Variants in PIGK observed in about 807,000 individuals in gnomAD.
PIGK encodes phosphatidylinositol glycan anchor biosynthesis class K.
PIGK carries 42 observed loss-of-function variants against 50.6 expected under a neutral mutation model. The observed-to-expected ratio is 0.83, with a 90% CI of 0.65 to 1.07. PIGK has a LOEUF of 1.07. PIGK is among the 50% of genes least tolerant of loss of function. PIGK has a pLI of 0.00. For missense variants in PIGK, 448 were observed against 488.7 expected (o/e 0.92, Z 0.78); for synonymous variants, 151 against 156.0 (o/e 0.97, Z 0.24).
chr1:77,158,171 C>T (rs558956621), intron 8 of PIGK, among the ~76,000 whole-genome samples: 4 of 152,050 alleles, frequency 2.6e-5, no homozygotes, highest in Admixed American at 2.6e-4. Flanking sequence ...CATGTGCCAC[C>T]ATGCCCAGCT....
rs1301386207 is a variant in PIGK at position 77,122,447 on chromosome 1, A to G, written c.987-88T>C. 5.6e-6 allele frequency: 4 copies of G among 719,992 alleles called. No homozygotes were observed. The East Asian group carries it at 1.1e-4, about 20-fold the overall frequency. The allele number at this position is 719,992 out of a possible 1,614,324, so 44.6% of individuals were successfully genotyped here. A position where few individuals can be genotyped will look rare whatever the true frequency, so the allele number is the denominator to read the frequency against. ...TTTAAATATGTCAAATATGAAATAT[A>G]GTAAAATGCATAGATTTTTTTTGAA... On this transcript the variant is annotated intron_variant, in intron 9 of 10. Coordinates refer to ENST00000370812, the MANE Select transcript of PIGK (RefSeq NM_005482.3).
At chr1:77,111,827 T>C (rs1206440400) in intron 10 of PIGK, among the ~76,000 whole-genome samples, 1 of 152,106 alleles carries the variant, frequency 6.6e-6, no homozygotes, top group Non-Finnish European at 1.5e-5. Flanking sequence ...CTAAGATATC[T>C]ATTGGCATAT....
chr1:77,166,588 G>A, intron 5 of PIGK, 131 bp downstream of exon 5: 1 of 557,630 alleles, frequency 1.8e-6, no homozygotes, highest in Non-Finnish European at 3.2e-6. Flanking sequence ...TCTACATTAT[G>A]GAAAATATAA....
intron 9 of PIGK, among the ~76,000 whole-genome samples, chr1:77,147,898 C>T (rs903420595): frequency 2.0e-5 from 3 of 152,142 alleles, no homozygotes; most frequent in African/African-American, 7.2e-5. Flanking sequence ...TCAGAAGACA[C>T]ATAAAAACAA....
At chr1:77,136,489 A>C (rs1654520287) in intron 9 of PIGK, among the ~76,000 whole-genome samples, 2 of 138,424 alleles carry the variant, frequency 1.4e-5, no homozygotes, top group Non-Finnish European at 3.0e-5. Context: ...AGATCCCGCC[A>C]CTGCACTCCA....
At chr1:77,171,309 C>T (rs1030074451) in intron 3 of PIGK, among the ~76,000 whole-genome samples, 1 of 151,148 alleles carries the variant, frequency 6.6e-6, no homozygotes, top group Non-Finnish European at 1.5e-5. Flanking sequence ...TGGTGGCAGG[C>T]GCCTGTAGTC....
Position 77,169,414 on chromosome 1 carries a change from G to A in PIGK, c.240-19C>T. 1 of 1,558,980 alleles carries A rather than the reference G, an allele frequency of 6.4e-7. No homozygotes were observed. Among genetic ancestry groups the A allele is most frequent in the Non-Finnish European group, 8.7e-7 (1 of 1,148,084 alleles). On this transcript the variant is annotated intron_variant, in intron 3 of 10. Transcript: ENST00000370812. ...AATGTGACTAGGGAAAAAAAATCCA[G>A]TAAATATATAATTTAGATAAAAGGA...
chr1:77,149,239 C>T (rs993940458), intron 9 of PIGK, among the ~76,000 whole-genome samples: 6 of 151,942 alleles, frequency 3.9e-5, no homozygotes, highest in Non-Finnish European at 7.4e-5. Flanking sequence ...AAGCCCTTAC[C>T]TACCAATAAT....
At chr1:77,111,320 T>C (rs375619095) in intron 10 of PIGK, among the ~76,000 whole-genome samples, 1 of 152,038 alleles carries the variant, frequency 6.6e-6, no homozygotes, top group Non-Finnish European at 1.5e-5. Context: ...ATGTTTATTG[T>C]GGCACTATTC....
intron 3 of PIGK, among the ~76,000 whole-genome samples, chr1:77,179,684 G>A (rs762778241): frequency 1.3e-5 from 2 of 152,094 alleles, no homozygotes; most frequent in Non-Finnish European, 2.9e-5. Context: ...CCTGATTCAT[G>A]AATCGCTCAT....
chr1:77,218,317 T>C (rs969489072), intron 1 of PIGK, among the ~76,000 whole-genome samples: 1 of 152,306 alleles, frequency 6.6e-6, no homozygotes, highest in Middle Eastern at 3.4e-3. Context: ...TCAGGGAGTA[T>C]GGAGGCCTAT....
intron 1 of PIGK, among the ~76,000 whole-genome samples, chr1:77,218,215 T>C (rs1389579529): frequency 6.6e-6 from 1 of 152,224 alleles, no homozygotes; most frequent in African/African-American, 2.4e-5. Context: ...TTAGACTTTA[T>C]TCTGTATGCA....
chr1:77,210,335 A>G, intron 2 of PIGK, 101 bp downstream of exon 2: 1 of 593,778 alleles, frequency 1.7e-6, no homozygotes, highest in East Asian at 3.2e-5. Flanking sequence ...CTGATATAAA[A>G]TGTAAAAAAA....
At chr1:77,147,273 G>C (rs562697895) in intron 9 of PIGK, among the ~76,000 whole-genome samples, 1 of 151,980 alleles carries the variant, frequency 6.6e-6, no homozygotes, top group Admixed American at 6.5e-5. Flanking sequence ...TCTCCCACCG[G>C]GTCCCTCCCA....
intron 9 of PIGK, among the ~76,000 whole-genome samples, chr1:77,143,292 TC>T (rs929761823): frequency 6.6e-6 from 1 of 152,120 alleles, no homozygotes; most frequent in African/African-American, 2.4e-5. Context: ...GAAACTAATA[TC>T]TAAAAATATG....
chr1:77,096,890 T>TTTG (rs1553179356), intron 10 of PIGK, among the ~76,000 whole-genome samples: 15 of 148,058 alleles, frequency 1.0e-4, no homozygotes, highest in African/African-American at 3.3e-4. Flanking sequence ...TCTTTTTTTT[T>TTTG]TTTTTTTGTT....
At chr1:77,208,265 T>G (rs1051023425) in intron 2 of PIGK, among the ~76,000 whole-genome samples, 1 of 151,970 alleles carries the variant, frequency 6.6e-6, no homozygotes, top group Non-Finnish European at 1.5e-5. Flanking sequence ...AAAATATAAT[T>G]TATTAAAGTT....
intron 10 of PIGK, among the ~76,000 whole-genome samples, chr1:77,113,898 A>G (rs1653907964): frequency 1.3e-5 from 2 of 152,092 alleles, no homozygotes; most frequent in Admixed American, 1.3e-4. Context: ...ACATCTCTTC[A>G]TATCTCTACA....
At chr1:77,192,875 T>C (rs1306319487) in intron 3 of PIGK, among the ~76,000 whole-genome samples, 1 of 152,206 alleles carries the variant, frequency 6.6e-6, no homozygotes, top group Non-Finnish European at 1.5e-5. Flanking sequence ...TTGCTTCTTT[T>C]CTTTAGATAT....
Sources: gnomAD v4.1 joint callset for allele counts (sites outside exome capture counted in the v4.1 genomes callset) on GRCh38, gnomAD v4.1.1 for gene constraint, MANE v1.5 for transcripts, NCBI Gene and HGNC (gene_info 2026-07-23, HGNC 2026-07-21) for gene names.